Variants in AMPH observed in about 807,000 individuals in gnomAD.
AMPH encodes the protein amphiphysin, also known as amphiphysin (Stiff-Mann syndrome with breast cancer 128kD autoantigen).
In AMPH, 49 loss-of-function variants were observed where a neutral mutation model predicts 99.1. The observed-to-expected ratio is 0.49, with a 90% CI of 0.39 to 0.63. AMPH has a LOEUF of 0.63. Ranked by LOEUF, AMPH falls within the 20% of genes least tolerant of loss-of-function variation. The pLI, the probability that AMPH is intolerant of heterozygous loss-of-function variation, is 0.00. For missense variants in AMPH, 759 were observed against 863.4 expected (o/e 0.88, Z 1.52); for synonymous variants, 314 against 317.3 (o/e 0.99, Z 0.11).
At chr7:38,520,955 AG>A (rs1789934250) in intron 2 of AMPH, among the ~76,000 whole-genome samples, 1 of 152,218 alleles carries the variant, frequency 6.6e-6, no homozygotes, top group Non-Finnish European at 1.5e-5. Context: ...ATCCCTAAAG[AG>A]AAAAGCCATT....
chr7:38,398,150 T>C (rs1784728830), intron 17 of AMPH, among the ~76,000 whole-genome samples: 1 of 135,246 alleles, frequency 7.4e-6, no homozygotes, highest in African/African-American at 2.8e-5. Flanking sequence ...AGATACCATA[T>C]GATCCAGCAA....
intron 11 of AMPH, among the ~76,000 whole-genome samples, chr7:38,446,683 T>C (rs1786796404): frequency 6.6e-6 from 1 of 152,222 alleles, no homozygotes; most frequent in South Asian, 2.1e-4. Flanking sequence ...TGGGGTGACA[T>C]ATATTCATTA....
intron 5 of AMPH, among the ~76,000 whole-genome samples, chr7:38,487,254 A>G (rs1427082629): frequency 6.6e-6 from 1 of 152,022 alleles, no homozygotes; most frequent in Non-Finnish European, 1.5e-5. Flanking sequence ...CTTTCATCAT[A>G]CTACCTGACT....
intron 1 of AMPH, among the ~76,000 whole-genome samples, chr7:38,611,489 A>G (rs183987856): frequency 5.3e-5 from 8 of 152,256 alleles, no homozygotes; most frequent in Non-Finnish European, 1.2e-4. Flanking sequence ...ATTTTTTTTT[A>G]CAAGACGTAA....
In AMPH at chr7:38,533,028, C is replaced by G. The variant is rs142476976; in HGVS notation, c.150+1903G>C. 2.2e-3 allele frequency among the ~76,000 whole-genome samples: 332 copies of G among 152,276 alleles called. 2 individuals carry two copies. The highest frequency in any genetic ancestry group is 2.7e-3 in the Non-Finnish European group (187 of 68,022). The stretch of plus-strand genomic sequence containing the variant: ...TCAATCTAAATCCAATATTTTAGAG[C>G]AGACATTTGGGATTGCCTGCAAAGT... On this transcript the variant is annotated intron_variant, in intron 2 of 20. Coordinates refer to ENST00000356264, the MANE Select transcript of AMPH (RefSeq NM_001635.4).
chr7:38,534,909 G>A, intron 2 of AMPH, 22 bp downstream of exon 2: 3 of 1,604,742 alleles, frequency 1.9e-6, no homozygotes, highest in Non-Finnish European at 2.6e-6. Flanking sequence ...TCCCACTCCA[G>A]AAACTAAACA....
chr7:38,410,518 G>A (rs375654579), intron 17 of AMPH, among the ~76,000 whole-genome samples: 2 of 152,308 alleles, frequency 1.3e-5, no homozygotes, highest in East Asian at 1.9e-4. Flanking sequence ...ATGTCATCCC[G>A]ATGGCCTAGC....
intron 7 of AMPH, among the ~76,000 whole-genome samples, chr7:38,472,894 G>A (rs1185044963): frequency 3.3e-5 from 5 of 152,052 alleles, no homozygotes; most frequent in African/African-American, 4.8e-5. Context: ...AGTCTTTCAC[G>A]CTACGAGACA....
intron 2 of AMPH, among the ~76,000 whole-genome samples, chr7:38,519,253 G>T (rs1420357639): frequency 6.6e-6 from 1 of 152,188 alleles, no homozygotes; most frequent in Non-Finnish European, 1.5e-5. Flanking sequence ...GCAAAAAACA[G>T]ACTAAGACAG....
intron 1 of AMPH, among the ~76,000 whole-genome samples, chr7:38,547,447 C>G (rs1200250938): frequency 6.6e-6 from 1 of 152,174 alleles, no homozygotes; most frequent in Non-Finnish European, 1.5e-5. Flanking sequence ...GCTAAGCAAG[C>G]CTGAGTATAC....
intron 7 of AMPH, among the ~76,000 whole-genome samples, chr7:38,475,113 A>G (rs1788032223): frequency 6.6e-6 from 1 of 152,190 alleles, no homozygotes. Context: ...AAATAAATTA[A>G]GTTTAAAATT....
chr7:38,557,054 GA>G, intron 1 of AMPH, among the ~76,000 whole-genome samples: 1 of 152,290 alleles, frequency 6.6e-6, no homozygotes, highest in Non-Finnish European at 1.5e-5. Context: ...GGGATCCCTT[GA>G]GGAGGACAAG....
intron 1 of AMPH, among the ~76,000 whole-genome samples, chr7:38,564,959 C>A (rs866793883): frequency 6.9e-4 from 105 of 152,094 alleles, no homozygotes; most frequent in African/African-American, 2.4e-3. Flanking sequence ...CCTGTCTCTA[C>A]TAAAAATACA....
chr7:38,533,893 C>T (rs762222498), intron 2 of AMPH, among the ~76,000 whole-genome samples: 2 of 152,152 alleles, frequency 1.3e-5, no homozygotes, highest in East Asian at 3.8e-4. Context: ...CCTCCCCAGC[C>T]CTTACGTGTG....
At chr7:38,483,424 A>G (rs1788368636) in intron 5 of AMPH, among the ~76,000 whole-genome samples, 1 of 152,154 alleles carries the variant, frequency 6.6e-6, no homozygotes, top group African/African-American at 2.4e-5. Flanking sequence ...ACAGTAAAAA[A>G]CACCCAGTTT....
chr7:38,531,939 A>C (rs1428406304), intron 2 of AMPH, among the ~76,000 whole-genome samples: 1 of 152,126 alleles, frequency 6.6e-6, no homozygotes, highest in Non-Finnish European at 1.5e-5. Context: ...TAATACTAAG[A>C]ATAATAGACC....
intron 1 of AMPH, among the ~76,000 whole-genome samples, chr7:38,561,785 T>C (rs1469822746): frequency 3.3e-5 from 5 of 152,114 alleles, no homozygotes; most frequent in African/African-American, 1.2e-4. Flanking sequence ...ATTAACGTCC[T>C]TATAAGGAGA....
rs777520653 is a variant in AMPH, at chr7:38,436,291, G to A, written c.1115C>T (p.Thr372Ile). ...EVTPAGSAGVTHSPMSQTLPW... is the reference protein window; with the variant it reads ...EVTPAGSAGVIHSPMSQTLPW... ...TGATACCTGAGACATGGGTGAGTGGGTCACTCCAGCAGAACCTGCAGGTGT... is the reference window on the plus strand; with the variant it reads ...TGATACCTGAGACATGGGTGAGTGGATCACTCCAGCAGAACCTGCAGGTGT... Residue 372 changes from threonine to isoleucine, a missense_variant, in exon 12 of 21, where the codon ACC (threonine) becomes ATC (isoleucine). By Grantham distance (89) the Thr-to-Ile change is moderately conservative (BLOSUM62 -1). Transcript: ENST00000356264. The A allele has an allele frequency of 6.2e-7, 1 of 1,614,056 alleles. No individual in the cohort carries two copies. Among genetic ancestry groups the A allele is most frequent in the Non-Finnish European group, 8.5e-7 (1 of 1,179,914 alleles).
chr7:38,447,900 CAT>C (rs1200143458), intron 11 of AMPH, among the ~76,000 whole-genome samples: 2 of 152,098 alleles, frequency 1.3e-5, no homozygotes, highest in African/African-American at 4.8e-5. Flanking sequence ...TTTCATTAAA[CAT>C]ATTTTGAAAA....
Sources: gnomAD v4.1 joint callset for allele counts (sites outside exome capture counted in the v4.1 genomes callset) on GRCh38, gnomAD v4.1.1 for gene constraint, MANE v1.5 for transcripts, NCBI Gene and HGNC (gene_info 2026-07-23, HGNC 2026-07-21) for gene names.